TLN2: variants seen among roughly 807,000 people sequenced by gnomAD.
TLN2 encodes the protein talin 2.
TLN2 carries 118 observed loss-of-function variants against 294.7 expected under a neutral mutation model. That is an observed-to-expected ratio of 0.40 (90% CI 0.34 to 0.47). TLN2 has a LOEUF of 0.47. TLN2 is among the 20% of genes least tolerant of loss of function. TLN2 has a pLI of 0.84. For missense variants in TLN2, 3,083 were observed against 3,282.2 expected (o/e 0.94, Z 1.48); for synonymous variants, 1,431 against 1,304.5 (o/e 1.10, Z -2.09).
intron 20 of TLN2, 46 bp downstream of exon 20, chr15:62,707,299 T>G (rs758819239): frequency 1.3e-6 from 2 of 1,536,594 alleles, no homozygotes; most frequent in Admixed American, 2.0e-5. Context: ...TATCACCTGC[T>G]GTTACCTGCC....
At chr15:62,551,851 A>G (rs2042333141) in intron 1 of TLN2, among the ~76,000 whole-genome samples, 1 of 152,246 alleles carries the variant, frequency 6.6e-6, no homozygotes, top group Non-Finnish European at 1.5e-5. Context: ...TGAATTCATT[A>G]GTTAAGTTTG....
intron 1 of TLN2, among the ~76,000 whole-genome samples, chr15:62,405,150 T>C (rs1261523622): frequency 6.6e-6 from 1 of 152,228 alleles, no homozygotes; most frequent in East Asian, 1.9e-4. Flanking sequence ...TTTCTTGGGA[T>C]GTGCTGTTGG....
chr15:62,767,412 G>T (rs2063077675), intron 41 of TLN2, among the ~76,000 whole-genome samples: 1 of 151,688 alleles, frequency 6.6e-6, no homozygotes, highest in Non-Finnish European at 1.5e-5. Flanking sequence ...TGTGATCTCA[G>T]CTTACCACAA....
chr15:62,590,007 G>GTTTTTC lies in TLN2; in HGVS notation c.-162+250_-162+251insCTTTTT, dbSNP rs1387950263. 2.0e-5 allele frequency among the ~76,000 whole-genome samples: 3 copies of GTTTTTC among 151,798 alleles called. No homozygotes were observed. The East Asian group carries it at 5.8e-4, about 29-fold the overall frequency. ...GGAGGAGCTGAGTAGCTGGGTTTTTGTTTTTGTTTTTGTTTTTGTTTTAAT... is the reference window on the plus strand; with the variant it reads ...GGAGGAGCTGAGTAGCTGGGTTTTTGTTTTTCTTTTTGTTTTTGTTTTTGTTTTAAT... On this transcript the variant is annotated intron_variant, in intron 2 of 58. Transcript: ENST00000636159.
At chr15:62,390,976 C>G (rs1214718897) in intron 1 of TLN2, among the ~76,000 whole-genome samples, 1 of 152,248 alleles carries the variant, frequency 6.6e-6, no homozygotes, top group Non-Finnish European at 1.5e-5. Flanking sequence ...TTGCAAACAG[C>G]CTCGCAGTCG....
chr15:62,656,597 C>T (rs569089504), intron 8 of TLN2, among the ~76,000 whole-genome samples: 3 of 152,240 alleles, frequency 2.0e-5, no homozygotes, highest in East Asian at 3.9e-4. Flanking sequence ...TAGATTGTCC[C>T]CAAGGTTTCT....
chr15:62,711,831 C>G, intron 21 of TLN2, 80 bp from the exon 22 acceptor site: 2 of 1,481,592 alleles, frequency 1.3e-6, no homozygotes, highest in Non-Finnish European at 9.1e-7. Flanking sequence ...GGAGTAGAGA[C>G]AAGACTGTAG....
chr15:62,483,330 C>A (rs1268725924), intron 1 of TLN2, among the ~76,000 whole-genome samples: 3 of 152,182 alleles, frequency 2.0e-5, no homozygotes, highest in Non-Finnish European at 2.9e-5. Flanking sequence ...ACCTGGCTAC[C>A]CACCACAGGC....
At chr15:62,801,990 A>G (rs991673306) in intron 50 of TLN2, among the ~76,000 whole-genome samples, 8 of 152,188 alleles carry the variant, frequency 5.3e-5, no homozygotes, top group African/African-American at 1.9e-4. Context: ...TTATTTTTAA[A>G]TGTACAATTA....
intron 1 of TLN2, among the ~76,000 whole-genome samples, chr15:62,537,111 T>C (rs1306292946): frequency 1.3e-5 from 2 of 151,734 alleles, no homozygotes; most frequent in Non-Finnish European, 2.9e-5. Flanking sequence ...CTCCGCCTCC[T>C]GGGTTCATGC....
intron 52 of TLN2, 65 bp downstream of exon 52, chr15:62,810,097 A>G: frequency 7.4e-7 from 1 of 1,354,084 alleles, no homozygotes; most frequent in Non-Finnish European, 1.1e-6. Flanking sequence ...TGGCTGATTC[A>G]AACTATGCTT....
In TLN2 at chr15:62,722,445, C is replaced by T. The variant is rs759840779; in HGVS notation, c.3084C>T (p.Asn1028=). The change falls in exon 26 of 59, where the codon AAC becomes AAT. Residue 1028 remains asparagine (N), a synonymous_variant. Transcript: ENST00000636159. ...TGCAGCTGAGCCAGTGTGCCAAGAA[C>T]CTGGCCACCAGCTTGGCGGAGCTGC... ...AAMQLSQCAK[N]LATSLAELRT... is the part of the protein sequence containing the mutation. The T allele has an allele frequency of 1.2e-5, 19 of 1,612,576 alleles. No homozygotes were observed. Among genetic ancestry groups the T allele is most frequent in the Non-Finnish European group, 1.6e-5 (19 of 1,179,510 alleles).
chr15:62,814,622 A>G (rs2066949926), intron 52 of TLN2, among the ~76,000 whole-genome samples: 1 of 152,232 alleles, frequency 6.6e-6, no homozygotes, highest in Non-Finnish European at 1.5e-5. Context: ...TTAAAAAGCA[A>G]GACAGTCTTT....
At chr15:62,420,436 A>C (rs2034323297) in intron 1 of TLN2, among the ~76,000 whole-genome samples, 1 of 151,614 alleles carries the variant, frequency 6.6e-6, no homozygotes, top group Non-Finnish European at 1.5e-5. Flanking sequence ...TCGCTCTGTC[A>C]CCCAGGCTGG....
intron 17 of TLN2, 82 bp from the exon 18 acceptor site, chr15:62,701,910 A>T (rs2058741190): frequency 3.4e-6 from 5 of 1,478,220 alleles, no homozygotes; most frequent in African/African-American, 2.8e-5. Context: ...TAGGTGAGGA[A>T]CTCCTGCCAG....
chr15:62,702,295 C>G, intron 18 of TLN2, 95 bp downstream of exon 18: 2 of 1,325,174 alleles, frequency 1.5e-6, no homozygotes, highest in Non-Finnish European at 2.0e-6. Flanking sequence ...CTGTTCCTTG[C>G]GTCTTGATGG....
chr15:62,797,713 G>T (rs1317666877), intron 48 of TLN2, among the ~76,000 whole-genome samples: 1 of 152,230 alleles, frequency 6.6e-6, no homozygotes, highest in East Asian at 1.9e-4. Context: ...GCGGCTCCTT[G>T]TGGGCCAGAG....
intron 1 of TLN2, among the ~76,000 whole-genome samples, chr15:62,419,525 G>C (rs2034268733): frequency 6.6e-6 from 1 of 152,088 alleles, no homozygotes; most frequent in South Asian, 2.1e-4. Context: ...ACCTTAATAC[G>C]ATACCTCTGG....
chr15:62,657,141 A>G, intron 8 of TLN2, among the ~76,000 whole-genome samples: 1 of 60,756 alleles, frequency 1.6e-5, no homozygotes, highest in African/African-American at 4.0e-5. Context: ...GAGAAAGGAA[A>G]GGCTGAAAAG....
Sources: gnomAD v4.1 joint callset for allele counts (sites outside exome capture counted in the v4.1 genomes callset) on GRCh38, gnomAD v4.1.1 for gene constraint, MANE v1.5 for transcripts, NCBI Gene and HGNC (gene_info 2026-07-23, HGNC 2026-07-21) for gene names.